The following BCAS3 variants were observed in gnomAD, a reference collection of about 807,000 sequenced individuals.
BCAS3 encodes the protein BCAS4/BCAS3 fusion.
In BCAS3, 53 loss-of-function variants were observed where a neutral mutation model predicts 116.1. That is an observed-to-expected ratio of 0.46 (90% confidence interval 0.37 to 0.57). BCAS3 has a LOEUF of 0.57. Ranked by LOEUF, BCAS3 falls within the 20% of genes least tolerant of loss-of-function variation. BCAS3 has a pLI of 0.00. For synonymous variants in BCAS3, 391 were observed against 408.2 expected, an observed-to-expected ratio of 0.96 and a Z score of 0.51; for missense variants, 917 against 1,165.4, an observed-to-expected ratio of 0.79 and a Z score of 3.10.
In BCAS3 at chr17:61,074,969, C is replaced by T; in HGVS notation, c.2079C>T (p.Asp693=). Residue 693 remains aspartate (D), a synonymous_variant, in exon 20 of 24, where the codon GAC becomes GAT. Coordinates refer to ENST00000407086, the MANE Select transcript of BCAS3 (RefSeq NM_017679.5). ...CCATTACTCGACATGGGTCTTACGA[C>T]AGTTTAGCTTCTGACCATAGTGGAC... ...PGPITRHGSY[D]SLASDHSGQE... 1.9e-6 allele frequency: 3 copies of T among 1,613,704 alleles called. No individual in the cohort carries two copies. The highest frequency in any genetic ancestry group is 2.5e-6 in the Non-Finnish European group (3 of 1,179,768).
chr17:61,034,802 T>C lies in BCAS3; in HGVS notation c.1762+12T>C. 1 of 1,584,516 alleles carries C rather than the reference T, an allele frequency of 6.3e-7. No homozygotes were observed. The highest frequency in any genetic ancestry group is 8.5e-7 in the Non-Finnish European group (1 of 1,170,222). On this transcript the variant is annotated intron_variant, in intron 17 of 23. Transcript: ENST00000407086. This position sits in a 1 kb window ranked among gnomAD's most constrained non-coding sequence, Gnocchi z 5.0. Reference sequence around the variant, plus strand: ...GAAAAGAGAAAAAGGTATGTATTTTTACTGAAAAATGAATGCTCTATTTGT... The same window carrying C: ...GAAAAGAGAAAAAGGTATGTATTTTCACTGAAAAATGAATGCTCTATTTGT...
chr17:61,042,503 G>A (rs894512909), intron 19 of BCAS3, among the ~76,000 whole-genome samples: 2 of 151,796 alleles, frequency 1.3e-5, no homozygotes, highest in African/African-American at 4.8e-5. Context: ...AAATCCCCAG[G>A]TGCATAATTT....
intron 22 of BCAS3, chr17:61,353,784 G>C (rs141952267): frequency 6.6e-6 from 1 of 152,238 alleles, no homozygotes; most frequent in Admixed American, 6.5e-5. Flanking sequence ...CAGGCGGACC[G>C]GCCAAGGCTG....
At chr17:60,865,805 G>C (rs1475009180) in intron 7 of BCAS3, among the ~76,000 whole-genome samples, 1 of 152,194 alleles carries the variant, frequency 6.6e-6, no homozygotes, top group African/African-American at 2.4e-5. Context: ...TTGAGTAGAA[G>C]TGATAAAAGC....
intron 22 of BCAS3, among the ~76,000 whole-genome samples, chr17:61,317,702 G>T (rs2054863778): frequency 6.6e-6 from 1 of 152,212 alleles, no homozygotes; most frequent in African/African-American, 2.4e-5. Flanking sequence ...GTAGTAGTTG[G>T]CAAGGTAAGT....
At chr17:61,093,515 A>C (rs1211567179) in intron 22 of BCAS3, among the ~76,000 whole-genome samples, 1 of 152,060 alleles carries the variant, frequency 6.6e-6, no homozygotes, top group African/African-American at 2.4e-5. Context: ...TAAGCCTGGG[A>C]GGTTGAGGCT....
At chr17:60,799,528 T>TTTG (rs2047531072) in intron 6 of BCAS3, among the ~76,000 whole-genome samples, 1 of 127,622 alleles carries the variant, frequency 7.8e-6, no homozygotes, top group Non-Finnish European at 1.6e-5. Flanking sequence ...GTGTTTGTTT[T>TTTG]TTTTTTTTTT....
intron 7 of BCAS3, among the ~76,000 whole-genome samples, chr17:60,836,540 G>GT (rs1449777781): frequency 1.3e-5 from 2 of 151,466 alleles, no homozygotes; most frequent in East Asian, 1.9e-4. Flanking sequence ...TCTCCACATA[G>GT]TTAAAAAAAA....
At position 61,026,019 on chromosome 17, in the gene BCAS3, G is replaced by A. The variant is rs2066220018; in HGVS notation, c.1638-8647G>A. Among the ~76,000 whole-genome samples the A allele has an allele frequency of 2.0e-5, 3 of 152,114 alleles. No homozygotes were observed. Among genetic ancestry groups the A allele is most frequent in the Middle Eastern group, 6.8e-3 (2 of 294 alleles). On this transcript the variant is annotated intron_variant, in intron 16 of 23. Transcript: ENST00000407086. This position sits in a 1 kb window ranked among gnomAD's most constrained non-coding sequence, Gnocchi z 5.0. Reference sequence around the variant, plus strand: ...CCTCCATTTGTTATGATTTCCAAATGTCAGATGTTACAGTACCATTTGGTT... The same window carrying A: ...CCTCCATTTGTTATGATTTCCAAATATCAGATGTTACAGTACCATTTGGTT...
chr17:60,846,357 T>G (rs2052537625), intron 7 of BCAS3, among the ~76,000 whole-genome samples: 1 of 152,232 alleles, frequency 6.6e-6, no homozygotes, highest in Non-Finnish European at 1.5e-5. Flanking sequence ...TTTTGTTTAA[T>G]AGCATCACCA....
rs1805941899 is a variant in BCAS3 at position 61,214,227 on chromosome 17, G to A, written c.2425+129663G>A. ...TAAAAAATACAAAAATTAGCCAGGT[G>A]TGGTGGCAGGCACCTGTAATCCCAG... On this transcript the variant is annotated intron_variant, in intron 22 of 23. Coordinates refer to ENST00000407086, the MANE Select transcript of BCAS3 (RefSeq NM_017679.5). This position sits in a 1 kb window ranked among gnomAD's most constrained non-coding sequence, Gnocchi z 4.4. Among the ~76,000 whole-genome samples, 1 of 152,092 alleles carries A rather than the reference G, an allele frequency of 6.6e-6. No homozygotes were observed. The highest frequency in any genetic ancestry group is 1.5e-5 in the Non-Finnish European group (1 of 67,992).
chr17:60,812,291 A>C (rs1266686242), intron 7 of BCAS3, among the ~76,000 whole-genome samples: 2 of 152,184 alleles, frequency 1.3e-5, no homozygotes. Context: ...AGGACAAAAA[A>C]TCAGATTTAA....
At chr17:60,996,152 G>A (rs986366080) in intron 15 of BCAS3, among the ~76,000 whole-genome samples, 3 of 152,184 alleles carry the variant, frequency 2.0e-5, no homozygotes, top group Non-Finnish European at 4.4e-5. Flanking sequence ...GCATGAGATG[G>A]AGGGGGGCTC....
rs2059968585 is a variant in BCAS3 at position 61,388,595 on chromosome 17, C to T, written c.2594-3382C>T. 6.5e-7 allele frequency: 1 copy of T among 1,529,698 alleles called. No homozygotes were observed. The highest frequency in any genetic ancestry group is 1.2e-5 in the South Asian group (1 of 83,084). The allele number at this position is 1,529,698 out of a possible 1,614,324, so 94.8% of individuals were successfully genotyped here. A position where few individuals can be genotyped will look rare whatever the true frequency, so the allele number is the denominator to read the frequency against. On this transcript the variant is annotated intron_variant, in intron 23 of 23. Transcript: ENST00000407086. This position sits in a 1 kb window ranked among gnomAD's most constrained non-coding sequence, Gnocchi z 6.5. The stretch of plus-strand genomic sequence containing the variant: ...GTCCATATCTTTTCCAAAAAGATTC[C>T]TCAATGCTTTTCTTTTCAAAAGGGA...
intron 18 of BCAS3, among the ~76,000 whole-genome samples, chr17:61,038,703 C>T (rs1421729024): frequency 6.1e-5 from 8 of 130,212 alleles, no homozygotes; most frequent in Admixed American, 2.8e-4. Flanking sequence ...CAGTCTCGCT[C>T]TGTTGCCCAG....
At chr17:61,263,968 T>C (rs2049447443) in intron 22 of BCAS3, among the ~76,000 whole-genome samples, 1 of 152,212 alleles carries the variant, frequency 6.6e-6, no homozygotes, top group Non-Finnish European at 1.5e-5. Context: ...GGTTGGATAC[T>C]CATACACTGT....
rs1293950166 is a variant in BCAS3 at position 61,134,398 on chromosome 17, A to G, written c.2425+49834A>G. On this transcript the variant is annotated intron_variant, in intron 22 of 23. Coordinates refer to ENST00000407086, the MANE Select transcript of BCAS3 (RefSeq NM_017679.5). The surrounding 1 kb of genome is among the most constrained non-coding windows in gnomAD (Gnocchi z 4.6). Reference sequence around the variant, plus strand: ...GTAACGTGCCTGGATTGACACAGTAAGCTGGTGGAATGAGGATTCGGAACC... The same window carrying G: ...GTAACGTGCCTGGATTGACACAGTAGGCTGGTGGAATGAGGATTCGGAACC... Among the ~76,000 whole-genome samples the G allele has an allele frequency of 2.0e-5, 3 of 152,204 alleles. No homozygotes were observed. Among genetic ancestry groups the G allele is most frequent in the Non-Finnish European group, 4.4e-5 (3 of 68,038 alleles).
intron 5 of BCAS3, among the ~76,000 whole-genome samples, chr17:60,739,494 C>T (rs2041314626): frequency 6.6e-6 from 1 of 151,970 alleles, no homozygotes; most frequent in Non-Finnish European, 1.5e-5. Flanking sequence ...GGGGCAGGCA[C>T]CTGTAATACC....
chr17:61,026,266 A>G lies in BCAS3; in HGVS notation c.1638-8400A>G, dbSNP rs2145571952. Among the ~76,000 whole-genome samples the G allele has an allele frequency of 6.6e-6, 1 of 152,198 alleles. No individual in the cohort carries two copies. The highest frequency in any genetic ancestry group is 2.1e-4 in the South Asian group (1 of 4,826). ...ACCTCTTAGACCACTATTAAGAGAT[A>G]TCCTAATTTCCTGGATTATGGCCAA... is the stretch of plus-strand genomic sequence containing the variant. On this transcript the variant is annotated intron_variant, in intron 16 of 23. Transcript: ENST00000407086. This position sits in a 1 kb window ranked among gnomAD's most constrained non-coding sequence, Gnocchi z 5.0.
Sources: gnomAD v4.1 joint callset for allele counts (sites outside exome capture counted in the v4.1 genomes callset) on GRCh38, gnomAD v4.1.1 for gene constraint, Gnocchi (gnomAD v3.1) non-coding constraint, MANE v1.5 for transcripts, NCBI Gene and HGNC (gene_info 2026-07-23, HGNC 2026-07-21) for gene names.